The following DPH6 variants were observed in gnomAD, a reference collection of about 807,000 sequenced individuals.
DPH6 encodes the protein diphthamine biosynthesis 6, also known as diphthine--ammonia ligase.
DPH6 carries 33 observed loss-of-function variants against 38.2 expected under a neutral mutation model. The observed-to-expected ratio is 0.86, with a 90% CI of 0.65 to 1.15. The LOEUF is 1.15. DPH6 is among the 50% of genes most tolerant of loss of function. The probability of loss-of-function intolerance (pLI) is 0.00; values close to 1 mark genes in which losing one functional copy is unlikely to be tolerated. For missense variants in DPH6, 325 were observed against 320.0 expected (o/e 1.02, Z -0.12); for synonymous variants, 108 against 103.0 (o/e 1.05, Z -0.30).
At chr15:35,358,279 C>A (rs955150707) in intron 3 of DPH6, among the ~76,000 whole-genome samples, 2 of 152,026 alleles carry the variant, frequency 1.3e-5, no homozygotes, top group Non-Finnish European at 2.9e-5. Context: ...TTTCTCCCTT[C>A]ATTTCTTGTA....
intron 3 of DPH6, among the ~76,000 whole-genome samples, chr15:35,224,819 A>G (rs1299802341): frequency 3.9e-5 from 6 of 152,184 alleles, no homozygotes; most frequent in Non-Finnish European, 8.8e-5. Flanking sequence ...ACTTTGAAGT[A>G]AATTTATATT....
Position 35,410,914 on chromosome 15 carries a change from A to AT in DPH6, c.506-19dup, listed in dbSNP as rs1453487923. ...ATCTAAACCTGCCAAGAAAGGTTACATTTTTTAAAGATAACTATCAGATAG... is the reference window on the plus strand; with the variant it reads ...ATCTAAACCTGCCAAGAAAGGTTACATTTTTTTAAAGATAACTATCAGATAG... On this transcript the variant is annotated intron_variant, in intron 5 of 8. Transcript: ENST00000256538. 1.3e-6 allele frequency: 2 copies of AT among 1,598,098 alleles called. No homozygotes were observed. Among genetic ancestry groups the AT allele is most frequent in the East Asian group, 4.5e-5 (2 of 44,280 alleles).
intron 3 of DPH6, among the ~76,000 whole-genome samples, chr15:35,470,963 A>G (rs2054191152): frequency 6.6e-6 from 1 of 152,202 alleles, no homozygotes; most frequent in African/African-American, 2.4e-5. Flanking sequence ...AAAGTGAATT[A>G]TTAGAAAAAA....
chr15:35,287,337 T>G (rs755083551), intron 3 of DPH6, among the ~76,000 whole-genome samples: 2 of 152,196 alleles, frequency 1.3e-5, no homozygotes, highest in Non-Finnish European at 2.9e-5. Flanking sequence ...ATGAGGTTTA[T>G]ACAGAGGGCT....
chr15:35,413,880 T>A (rs2053402671), intron 5 of DPH6, among the ~76,000 whole-genome samples: 1 of 151,734 alleles, frequency 6.6e-6, no homozygotes, highest in African/African-American at 2.4e-5. Context: ...AATGTTTTAC[T>A]CTGCTGATCA....
chr15:35,401,425 G>A lies in DPH6; in HGVS notation c.567+9410C>T, dbSNP rs1400180060. On this transcript the variant is annotated intron_variant, in intron 6 of 8. Coordinates refer to ENST00000256538, the MANE Select transcript of DPH6 (RefSeq NM_080650.4). ...TGGTGGTTATGGAGGAAGCGGCCCT[G>A]GTTATTCTGGAGGAAGCAGGGGCTA... 5.2e-6 allele frequency: 4 copies of A among 772,166 alleles called. No individual in the cohort carries two copies. In the East Asian group the frequency reaches 7.4e-5, roughly 14 times the overall value. 47.8% of individuals were successfully genotyped at this position (772,166 alleles called of 1,614,324 possible).
intron 3 of DPH6, among the ~76,000 whole-genome samples, chr15:35,273,925 CAA>C (rs1166339014): frequency 2.6e-5 from 4 of 152,020 alleles, no homozygotes; most frequent in Non-Finnish European, 5.9e-5. Context: ...CATATGGAAC[CAA>C]AAAAGAGTCC....
At chr15:35,294,886 C>T (rs1327436677) in intron 3 of DPH6, among the ~76,000 whole-genome samples, 1 of 152,166 alleles carries the variant, frequency 6.6e-6, no homozygotes, top group Non-Finnish European at 1.5e-5. Context: ...AGACAAACAG[C>T]TAGTTAGTCG....
intron 3 of DPH6, among the ~76,000 whole-genome samples, chr15:35,304,214 A>G (rs891265236): frequency 6.6e-6 from 1 of 152,160 alleles, no homozygotes; most frequent in African/African-American, 2.4e-5. Flanking sequence ...AGAGACACTA[A>G]GTGATTTGCT....
At chr15:35,538,583 T>C in intron 2 of DPH6, 116 bp from the exon 3 acceptor site, 1 of 877,998 alleles carries the variant, frequency 1.1e-6, no homozygotes. Flanking sequence ...AAGCTTGCTA[T>C]ACTATGTTTC....
intron 3 of DPH6, among the ~76,000 whole-genome samples, chr15:35,322,081 G>C (rs2052245236): frequency 6.6e-6 from 1 of 152,150 alleles, no homozygotes; most frequent in Non-Finnish European, 1.5e-5. Flanking sequence ...TGCAGGACCA[G>C]CTGAGTCATA....
the DPH6 span, among the ~76,000 whole-genome samples, chr15:35,157,918 A>G: frequency 6.6e-6 from 1 of 152,084 alleles, no homozygotes; most frequent in Non-Finnish European, 1.5e-5. Context: ...GGCATTTACT[A>G]AGAAGGATTC....
In DPH6 at chr15:35,381,290, C is replaced by T. The variant is rs143038676; in HGVS notation, c.662+532G>A. On this transcript the variant is annotated intron_variant, in intron 7 of 8. Coordinates refer to ENST00000256538, the MANE Select transcript of DPH6 (RefSeq NM_080650.4). ...CTGTTTTTCACTACACTAATTTTAA[C>T]AATTTATGGCAAAGAAATCACACTA... Among the ~76,000 whole-genome samples the T allele has an allele frequency of 1.3e-3, 191 of 152,224 alleles. 1 individual carries two copies. The highest frequency in any genetic ancestry group is 4.5e-3 in the African/African-American group (187 of 41,554).
At chr15:35,516,210 A>C (rs868092242) in intron 3 of DPH6, among the ~76,000 whole-genome samples, 1 of 152,198 alleles carries the variant, frequency 6.6e-6, no homozygotes, top group Middle Eastern at 3.2e-3. Flanking sequence ...CTAAAGAGAC[A>C]GAAGAGCACA....
chr15:35,284,653 A>T (rs994770727), intron 3 of DPH6, among the ~76,000 whole-genome samples: 1 of 150,850 alleles, frequency 6.6e-6, no homozygotes, highest in Admixed American at 6.6e-5. Context: ...GAAAGAAGAA[A>T]TACTTCCTTT....
intron 3 of DPH6, among the ~76,000 whole-genome samples, chr15:35,470,710 A>G (rs1277051644): frequency 6.6e-6 from 1 of 152,188 alleles, no homozygotes; most frequent in Non-Finnish European, 1.5e-5. Flanking sequence ...CAGAAACATT[A>G]TCCACTTCAA....
At chr15:35,154,538 T>G in the DPH6 span, among the ~76,000 whole-genome samples, 1 of 152,150 alleles carries the variant, frequency 6.6e-6, no homozygotes, top group African/African-American at 2.4e-5. Flanking sequence ...TTTCATAATT[T>G]TAAGCAGACT....
intron 3 of DPH6, chr15:35,520,097 C>G (rs1271482679): frequency 6.0e-6 from 1 of 167,038 alleles, no homozygotes; most frequent in Non-Finnish European, 1.2e-5. Context: ...TTCCATAATT[C>G]TATCAACAGA....
chr15:35,215,083 T>C (rs887765105), downstream of DPH6, among the ~76,000 whole-genome samples: 2 of 152,218 alleles, frequency 1.3e-5, no homozygotes, highest in Admixed American at 6.5e-5. Context: ...ATTCACCAAA[T>C]AGTTTACCAT....
Sources: gnomAD v4.1 joint callset for allele counts (sites outside exome capture counted in the v4.1 genomes callset) on GRCh38, gnomAD v4.1.1 for gene constraint, MANE v1.5 for transcripts, NCBI Gene and HGNC (gene_info 2026-07-23, HGNC 2026-07-21) for gene names.